SH3BP5: variants seen among roughly 807,000 people sequenced by gnomAD.
SH3BP5 encodes the protein SH3 domain-binding protein 5.
In SH3BP5, 22 loss-of-function variants were observed where a neutral mutation model predicts 43.3. The ratio of observed to expected loss-of-function variants is 0.51; its 90% CI spans 0.36 to 0.73. The LOEUF (loss-of-function observed/expected upper bound fraction) is 0.73. Among genes scored for constraint, SH3BP5 ranks in the 30% least tolerant of loss-of-function variants. The probability of loss-of-function intolerance (pLI) is 0.00; values close to 1 mark genes in which losing one functional copy is unlikely to be tolerated. For synonymous variants in SH3BP5, 255 were observed against 225.8 expected, an observed-to-expected ratio of 1.13 and a Z score of -1.16; for missense variants, 529 against 586.9, an observed-to-expected ratio of 0.90 and a Z score of 1.02.
chr3:15,256,021 G>T lies in SH3BP5; in HGVS notation c.*65C>A. The stretch of plus-strand genomic sequence containing the variant: ...ATTTGGCATATATTAAATGATTATT[G>T]GCACAATGTTCTCCAGTTCCATGTA... On this transcript the variant is annotated 3_prime_UTR_variant, in exon 9 of 9. Transcript: ENST00000383791. 3 of 1,291,048 alleles carry T rather than the reference G, an allele frequency of 2.3e-6. No homozygotes were observed. Among genetic ancestry groups the T allele is most frequent in the Non-Finnish European group, 3.3e-6 (3 of 909,050 alleles). 80.0% of individuals were successfully genotyped at this position (1,291,048 alleles called of 1,614,324 possible). A position where few individuals can be genotyped will look rare whatever the true frequency, so the allele number is the denominator to read the frequency against.
chr3:15,273,353 C>G, intron 3 of SH3BP5: 7 of 985,402 alleles, frequency 7.1e-6, no homozygotes, highest in Non-Finnish European at 8.4e-6. Flanking sequence ...CCCAGCACCT[C>G]TTCACACCCT....
At chr3:15,321,238 T>C (rs561070526) in intron 2 of SH3BP5, among the ~76,000 whole-genome samples, 2 of 152,210 alleles carry the variant, frequency 1.3e-5, no homozygotes, top group Non-Finnish European at 2.9e-5. Flanking sequence ...ATTTGGAATG[T>C]TTTCCATTAT....
At chr3:15,273,693 T>C (rs538985211) in intron 3 of SH3BP5, among the ~76,000 whole-genome samples, 2 of 152,326 alleles carry the variant, frequency 1.3e-5, no homozygotes, top group East Asian at 3.9e-4. Flanking sequence ...TCTCTATTCG[T>C]TGTGGTCTCA....
At chr3:15,336,725 G>A (rs953986570), upstream of SH3BP5, among the ~76,000 whole-genome samples, 1 of 152,136 alleles carries the variant, frequency 6.6e-6, no homozygotes, top group Non-Finnish European at 1.5e-5. Flanking sequence ...CAGTCAGCAA[G>A]GACGAGTGGA....
intron 2 of SH3BP5, among the ~76,000 whole-genome samples, chr3:15,305,614 A>T (rs1697881363): frequency 6.6e-6 from 1 of 152,212 alleles, no homozygotes; most frequent in Non-Finnish European, 1.5e-5. Flanking sequence ...AGTCCAAAGC[A>T]TGAATAGGAA....
At chr3:15,315,011 A>G (rs1698150990) in intron 2 of SH3BP5, among the ~76,000 whole-genome samples, 1 of 152,128 alleles carries the variant, frequency 6.6e-6, no homozygotes, top group Non-Finnish European at 1.5e-5. Context: ...GAGGTGAGAG[A>G]CAGAAAAAAG....
intron 3 of SH3BP5, among the ~76,000 whole-genome samples, chr3:15,276,401 C>A (rs1393625795): frequency 6.6e-6 from 1 of 152,182 alleles, no homozygotes; most frequent in Admixed American, 6.5e-5. Context: ...GAAGCCACAG[C>A]CCCTGACCCC....
At chr3:15,270,125 G>A (rs139156069) in intron 3 of SH3BP5, among the ~76,000 whole-genome samples, 246 of 152,240 alleles carry the variant, frequency 1.6e-3, no homozygotes, top group African/African-American at 5.4e-3. Flanking sequence ...AAACACATCA[G>A]CCCTTGGCCA....
At chr3:15,314,343 T>C (rs760482994) in intron 2 of SH3BP5, among the ~76,000 whole-genome samples, 6 of 152,006 alleles carry the variant, frequency 3.9e-5, no homozygotes, top group East Asian at 2.0e-4. Context: ...GCCATGCTTT[T>C]TGGGGGCCTC....
upstream of SH3BP5, chr3:15,333,166 A>G (rs956322332): frequency 2.6e-5 from 26 of 985,266 alleles, no homozygotes; most frequent in Non-Finnish European, 3.0e-5. Context: ...TGATGGGCAC[A>G]CTCTGGCCAA....
chr3:15,275,283 G>A (rs182014552), intron 3 of SH3BP5, among the ~76,000 whole-genome samples: 24 of 152,338 alleles, frequency 1.6e-4, no homozygotes, highest in African/African-American at 5.5e-4. Flanking sequence ...GTTTAACTGC[G>A]ACATTGCTTC....
intron 5 of SH3BP5, chr3:15,260,710 A>T (rs1045532332): frequency 1.3e-5 from 2 of 152,314 alleles, no homozygotes; most frequent in Admixed American, 6.5e-5. Context: ...AAGATGTCCC[A>T]GCAAAAGGAA....
intron 3 of SH3BP5, among the ~76,000 whole-genome samples, chr3:15,277,058 C>A (rs934466548): frequency 6.6e-6 from 1 of 152,064 alleles, no homozygotes; most frequent in Non-Finnish European, 1.5e-5. Flanking sequence ...TCAAATGATT[C>A]TCCTGCCTCA....
At chr3:15,266,143 G>C (rs1696637988) in intron 4 of SH3BP5, among the ~76,000 whole-genome samples, 1 of 152,214 alleles carries the variant, frequency 6.6e-6, no homozygotes, top group Admixed American at 6.5e-5. Flanking sequence ...TGCCCAGGGA[G>C]GCAATCTCAC....
At chr3:15,276,490 G>A (rs1696972746) in intron 3 of SH3BP5, among the ~76,000 whole-genome samples, 2 of 152,158 alleles carry the variant, frequency 1.3e-5, no homozygotes, top group South Asian at 4.1e-4. Flanking sequence ...CAGACAATTG[G>A]ACGGTCTCCC....
At chr3:15,294,963 C>T (rs1697527736) in intron 3 of SH3BP5, among the ~76,000 whole-genome samples, 1 of 152,174 alleles carries the variant, frequency 6.6e-6, no homozygotes, top group Non-Finnish European at 1.5e-5. Flanking sequence ...TGACCCCTCC[C>T]CTCAGATCTC....
intron 3 of SH3BP5, among the ~76,000 whole-genome samples, chr3:15,296,432 T>G (rs540336568): frequency 2.0e-5 from 3 of 152,020 alleles, no homozygotes; most frequent in African/African-American, 7.3e-5. Flanking sequence ...CACACCCTTT[T>G]ATAAGACTGC....
At chr3:15,287,888 G>T (rs1575312742) in intron 3 of SH3BP5, among the ~76,000 whole-genome samples, 1 of 152,200 alleles carries the variant, frequency 6.6e-6, no homozygotes, top group African/African-American at 2.4e-5. Flanking sequence ...AGCTTTGTGC[G>T]CTGTGGTCAG....
chr3:15,258,178 G>A (rs1432897376), intron 7 of SH3BP5: 1 of 152,202 alleles, frequency 6.6e-6, no homozygotes, highest in Non-Finnish European at 1.5e-5. Flanking sequence ...AGGGATTATT[G>A]CACAGGTAAG....
Sources: gnomAD v4.1 joint callset for allele counts (sites outside exome capture counted in the v4.1 genomes callset) on GRCh38, gnomAD v4.1.1 for gene constraint, MANE v1.5 for transcripts, NCBI Gene and HGNC (gene_info 2026-07-23, HGNC 2026-07-21) for gene names.